FER: variants seen among roughly 807,000 people sequenced by gnomAD.
FER encodes tyrosine-protein kinase Fer.
FER carries 63 observed loss-of-function variants against 111.0 expected under a neutral mutation model. The ratio of observed to expected loss-of-function variants is 0.57; its 90% confidence interval spans 0.46 to 0.70. The LOEUF is 0.70. Among genes scored for constraint, FER ranks in the 30% least tolerant of loss-of-function variants. The probability of loss-of-function intolerance (pLI) is 0.00; values close to 1 mark genes in which losing one functional copy is unlikely to be tolerated. For synonymous variants in FER, 327 were observed against 313.9 expected (o/e 1.04, Z -0.44); for missense variants, 914 against 954.0 (o/e 0.96, Z 0.55).
rs1764214683 is a variant in FER at position 108,867,751 on chromosome 5, T to TG, written c.482-16_482-15insG. 1.3e-6 allele frequency: 1 copy of TG among 778,484 alleles called. No homozygotes were observed. The highest frequency in any genetic ancestry group is 1.8e-6 in the Non-Finnish European group (1 of 553,204). The allele number at this position is 778,484 out of a possible 1,614,324, so 48.2% of individuals were successfully genotyped here. A position where few individuals can be genotyped will look rare whatever the true frequency, so the allele number is the denominator to read the frequency against. On this transcript the variant is annotated splice_polypyrimidine_tract_variant and intron_variant, in intron 5 of 19. Coordinates refer to ENST00000281092, the MANE Select transcript of FER (RefSeq NM_005246.4). ...TTATCTCTTTACTAACTTTCTTCAG[T>TG]TTTTTTTTTTTTCAGGGAAGGAAAC...
At chr5:108,781,072 C>G (rs1754021296) in intron 2 of FER, among the ~76,000 whole-genome samples, 1 of 152,146 alleles carries the variant, frequency 6.6e-6, no homozygotes, top group East Asian at 1.9e-4. Context: ...TCTATTTTAT[C>G]CATTAGAACC....
chr5:109,039,253 G>C (rs533720847), intron 14 of FER, among the ~76,000 whole-genome samples: 1 of 151,552 alleles, frequency 6.6e-6, no homozygotes, highest in African/African-American at 2.4e-5. Flanking sequence ...TTAGTAGACT[G>C]TACTTGATAT....
intron 13 of FER, among the ~76,000 whole-genome samples, chr5:109,002,716 C>T (rs930677294): frequency 6.6e-6 from 1 of 152,088 alleles, no homozygotes; most frequent in African/African-American, 2.4e-5. Flanking sequence ...TTTTCACAAC[C>T]TACTCATCTG....
intron 17 of FER, among the ~76,000 whole-genome samples, chr5:109,161,033 T>C (rs1404505539): frequency 2.0e-5 from 3 of 152,136 alleles, no homozygotes; most frequent in Non-Finnish European, 4.4e-5. Flanking sequence ...AGCTTTTGAG[T>C]ACTTGTCATA....
chr5:109,178,416 T>C (rs1307272718), intron 17 of FER, among the ~76,000 whole-genome samples: 1 of 152,188 alleles, frequency 6.6e-6, no homozygotes, highest in Non-Finnish European at 1.5e-5. Flanking sequence ...AAGATAGTTA[T>C]GACAACAGAA....
intron 13 of FER, among the ~76,000 whole-genome samples, chr5:108,967,738 C>T (rs544910109): frequency 2.1e-4 from 25 of 119,934 alleles, no homozygotes; most frequent in African/African-American, 5.7e-4. Flanking sequence ...CTGGCCTGGG[C>T]GACAAAGCGA....
chr5:109,001,239 A>G (rs180990094), intron 13 of FER, among the ~76,000 whole-genome samples: 2 of 152,318 alleles, frequency 1.3e-5, no homozygotes, highest in African/African-American at 4.8e-5. Context: ...TCTCAATACA[A>G]TACTGGCAAA....
intron 17 of FER, among the ~76,000 whole-genome samples, chr5:109,112,729 T>C (rs1749774451): frequency 6.6e-6 from 1 of 152,202 alleles, no homozygotes; most frequent in African/African-American, 2.4e-5. Flanking sequence ...CCATTATCTT[T>C]ATTAAATCAC....
chr5:109,060,772 G>GACA (rs1774301406), intron 16 of FER, among the ~76,000 whole-genome samples: 5 of 133,518 alleles, frequency 3.7e-5, no homozygotes, highest in African/African-American at 1.3e-4. Context: ...GTGTGTGTGT[G>GACA]TATATATATA....
intron 18 of FER, among the ~76,000 whole-genome samples, chr5:109,182,241 C>T (rs1758362156): frequency 6.6e-6 from 1 of 152,038 alleles, no homozygotes; most frequent in East Asian, 1.9e-4. Context: ...AAATGTTTTC[C>T]AGATAAAGCT....
Position 108,872,075 on chromosome 5 carries a change from T to C in FER, c.804-18T>C. On this transcript the variant is annotated intron_variant, in intron 7 of 19. Coordinates refer to ENST00000281092, the MANE Select transcript of FER (RefSeq NM_005246.4). Reference sequence around the variant, plus strand: ...ACTGTATTTACAATGATCAAAATTATTTGCCATGCTTTACTAGAACAACGG... The same window carrying C: ...ACTGTATTTACAATGATCAAAATTACTTGCCATGCTTTACTAGAACAACGG... 2 of 1,606,410 alleles carry C rather than the reference T, an allele frequency of 1.2e-6. No individual in the cohort carries two copies. The highest frequency in any genetic ancestry group is 1.7e-6 in the Non-Finnish European group (2 of 1,176,728).
At chr5:109,067,548 G>A (rs1199978012) in intron 16 of FER, among the ~76,000 whole-genome samples, 1 of 150,772 alleles carries the variant, frequency 6.6e-6, no homozygotes, top group Non-Finnish European at 1.5e-5. Flanking sequence ...TTTTTAATTT[G>A]ATAAAATATC....
At position 109,195,059 on chromosome 5, in the gene FER, A is replaced by T. The variant is rs1054391150; in HGVS notation, c.*7484A>T. On this transcript the variant is annotated 3_prime_UTR_variant, in exon 20 of 20. Coordinates refer to ENST00000281092, the MANE Select transcript of FER (RefSeq NM_005246.4). Reference sequence around the variant, plus strand: ...GGTCCGTGCTTTTATTTTTAAACCCAAAAGAAAGAAAGAAACACACCCTCT... The same window carrying T: ...GGTCCGTGCTTTTATTTTTAAACCCTAAAGAAAGAAAGAAACACACCCTCT... 6.6e-6 allele frequency: 1 copy of T among 152,090 alleles called. No individual in the cohort carries two copies. The highest frequency in any genetic ancestry group is 2.4e-5 in the African/African-American group (1 of 41,420). 9.4% of individuals were successfully genotyped at this position (152,090 alleles called of 1,614,324 possible).
At chr5:108,762,810 G>A (rs189279365) in intron 1 of FER, among the ~76,000 whole-genome samples, 1 of 152,226 alleles carries the variant, frequency 6.6e-6, no homozygotes, top group Non-Finnish European at 1.5e-5. Flanking sequence ...TGCTTAGAAT[G>A]CCCTTCTTCC....
intron 10 of FER, among the ~76,000 whole-genome samples, chr5:108,932,341 A>C (rs1272719525): frequency 2.0e-5 from 3 of 152,134 alleles, no homozygotes; most frequent in Admixed American, 2.0e-4. Context: ...TTCCTGCAAA[A>C]GACATGAACT....
intron 13 of FER, among the ~76,000 whole-genome samples, chr5:109,002,258 C>G (rs1764883341): frequency 6.6e-6 from 1 of 152,044 alleles, no homozygotes; most frequent in Non-Finnish European, 1.5e-5. Flanking sequence ...CAGCATGGGA[C>G]TGGTACCAAA....
At chr5:108,755,257 G>A (rs1750953953) in intron 1 of FER, among the ~76,000 whole-genome samples, 2 of 152,172 alleles carry the variant, frequency 1.3e-5, no homozygotes, top group South Asian at 4.1e-4. Flanking sequence ...AAAGCTTGCT[G>A]CGTTGTCACA....
intron 10 of FER, among the ~76,000 whole-genome samples, chr5:108,928,020 A>G (rs1015362628): frequency 3.9e-5 from 6 of 152,348 alleles, no homozygotes; most frequent in East Asian, 1.9e-4. Flanking sequence ...AATTTTAGAC[A>G]TATTTCTGCC....
intron 13 of FER, 70 bp from the exon 14 acceptor site, chr5:109,037,352 T>G: frequency 1.5e-6 from 2 of 1,330,946 alleles, no homozygotes; most frequent in Non-Finnish European, 2.2e-6. Flanking sequence ...GACTTTCCAC[T>G]GGCTCAAATG....
Sources: gnomAD v4.1 joint callset for allele counts (sites outside exome capture counted in the v4.1 genomes callset) on GRCh38, gnomAD v4.1.1 for gene constraint, MANE v1.5 for transcripts, NCBI Gene and HGNC (gene_info 2026-07-23, HGNC 2026-07-21) for gene names.